The following NEGR1 variants were observed in gnomAD, a reference collection of about 807,000 sequenced individuals.
NEGR1 encodes IgLON family member 4.
Under a neutral mutation model 40.9 loss-of-function variants are expected in NEGR1, and 10 were observed. That is an observed-to-expected ratio of 0.24 (90% CI 0.15 to 0.42). NEGR1 has a LOEUF of 0.42. Among genes scored for constraint, NEGR1 ranks in the 10% least tolerant of loss-of-function variants. The pLI, the probability that NEGR1 is intolerant of heterozygous loss-of-function variation, is 1.00. For synonymous variants in NEGR1, 185 were observed against 166.8 expected (o/e 1.11, Z -0.84); for missense variants, 352 against 438.9 (o/e 0.80, Z 1.77).
chr1:71,529,586 G>A (rs912701629), intron 6 of NEGR1, among the ~76,000 whole-genome samples: 3 of 151,020 alleles, frequency 2.0e-5, no homozygotes, highest in Non-Finnish European at 4.5e-5. Context: ...AATACACTTC[G>A]AAGATGATCT....
chr1:71,990,069 T>C (rs1277701271), intron 1 of NEGR1, among the ~76,000 whole-genome samples: 1 of 152,216 alleles, frequency 6.6e-6, no homozygotes, highest in African/African-American at 2.4e-5. Context: ...CTTTTCTTTC[T>C]GTATAAAATA....
chr1:72,211,232 T>C (rs1040885164), intron 1 of NEGR1, among the ~76,000 whole-genome samples: 4 of 151,742 alleles, frequency 2.6e-5, no homozygotes, highest in Non-Finnish European at 4.4e-5. Context: ...TACCATATCA[T>C]GGTAATACCT....
intron 6 of NEGR1, among the ~76,000 whole-genome samples, chr1:71,561,037 T>C (rs1648440067): frequency 6.6e-6 from 1 of 151,600 alleles, no homozygotes; most frequent in South Asian, 2.1e-4. Context: ...GATTTCATAA[T>C]GTTGCATTAA....
At chr1:72,269,725 T>C (rs544736995) in intron 1 of NEGR1, among the ~76,000 whole-genome samples, 20 of 151,794 alleles carry the variant, frequency 1.3e-4, no homozygotes, top group Middle Eastern at 3.4e-3. Context: ...TTGTAATCAT[T>C]AGGGATGGAA....
At chr1:71,719,549 T>C (rs1417561400) in intron 3 of NEGR1, among the ~76,000 whole-genome samples, 1 of 152,058 alleles carries the variant, frequency 6.6e-6, no homozygotes, top group East Asian at 1.9e-4. Context: ...CTAGCAGTGA[T>C]AGAGAGACCT....
intron 3 of NEGR1, among the ~76,000 whole-genome samples, chr1:71,759,299 T>C (rs562228721): frequency 7.4e-6 from 1 of 135,184 alleles, no homozygotes; most frequent in East Asian, 2.2e-4. Flanking sequence ...TTTTTTTTTT[T>C]TTTTTTTTTT....
intron 1 of NEGR1, among the ~76,000 whole-genome samples, chr1:72,224,627 A>G (rs1030147800): frequency 1.3e-5 from 2 of 152,090 alleles, no homozygotes; most frequent in Non-Finnish European, 2.9e-5. Context: ...ATCTTACCCA[A>G]GGTTACTCAG....
intron 4 of NEGR1, among the ~76,000 whole-genome samples, chr1:71,662,040 A>G (rs1652074682): frequency 6.6e-6 from 1 of 152,256 alleles, no homozygotes; most frequent in Non-Finnish European, 1.5e-5. Flanking sequence ...TGTCTGGCAC[A>G]TAATAAATGG....
intron 2 of NEGR1, among the ~76,000 whole-genome samples, chr1:71,778,817 A>G (rs1423631764): frequency 2.6e-5 from 4 of 152,194 alleles, no homozygotes; most frequent in Non-Finnish European, 5.9e-5. Context: ...GTTTAGTTGG[A>G]TCTTTACACA....
At chr1:72,204,187 C>T (rs1380354814) in intron 1 of NEGR1, among the ~76,000 whole-genome samples, 1 of 151,900 alleles carries the variant, frequency 6.6e-6, no homozygotes, top group South Asian at 2.1e-4. Flanking sequence ...TTGTGATAGC[C>T]TGAATTAAAT....
intron 1 of NEGR1, among the ~76,000 whole-genome samples, chr1:72,193,600 T>A (rs1206998461): frequency 6.6e-6 from 1 of 151,580 alleles, no homozygotes; most frequent in Non-Finnish European, 1.5e-5. Flanking sequence ...AAGATCAAAA[T>A]ATATTTTAAG....
intron 2 of NEGR1, among the ~76,000 whole-genome samples, chr1:71,921,781 T>C (rs1645723249): frequency 6.7e-6 from 1 of 148,326 alleles, no homozygotes; most frequent in South Asian, 2.1e-4. Flanking sequence ...TTTTATAACA[T>C]AAAATATGTG....
At chr1:71,956,047 A>T (rs1172649263) in intron 1 of NEGR1, among the ~76,000 whole-genome samples, 1 of 152,210 alleles carries the variant, frequency 6.6e-6, no homozygotes, top group Non-Finnish European at 1.5e-5. Flanking sequence ...GTATATTTTA[A>T]GTACATAAAT....
At chr1:71,920,852 C>T (rs1645710589) in intron 2 of NEGR1, among the ~76,000 whole-genome samples, 1 of 152,134 alleles carries the variant, frequency 6.6e-6, no homozygotes, top group Admixed American at 6.5e-5. Flanking sequence ...ATAATCACAG[C>T]TCTACAGCCT....
At chr1:71,425,839 G>A (rs1018871360) in intron 6 of NEGR1, among the ~76,000 whole-genome samples, 4 of 152,146 alleles carry the variant, frequency 2.6e-5, no homozygotes, top group Admixed American at 2.6e-4. Flanking sequence ...GCTTAGTCAA[G>A]CTTAATGCTC....
rs1646275835 is a variant in NEGR1, at chr1:71,406,018, C to T, written c.*1428G>A. ...TATAGTAGAAATAATTTAACATTCA[C>T]AATAATTTGATAATTACTTATCTTA... On this transcript the variant is annotated 3_prime_UTR_variant, in exon 7 of 7. Coordinates refer to ENST00000357731, the MANE Select transcript of NEGR1 (RefSeq NM_173808.3). 1 of 152,184 alleles carries T rather than the reference C, an allele frequency of 6.6e-6. No individual in the cohort carries two copies. The highest frequency in any genetic ancestry group is 1.5e-5 in the Non-Finnish European group (1 of 67,836). 9.4% of individuals were successfully genotyped at this position (152,184 alleles called of 1,614,324 possible). A position where few individuals can be genotyped will look rare whatever the true frequency, so the allele number is the denominator to read the frequency against.
intron 6 of NEGR1, among the ~76,000 whole-genome samples, chr1:71,412,500 T>C (rs1402459143): frequency 1.3e-5 from 2 of 152,210 alleles, no homozygotes; most frequent in Admixed American, 1.3e-4. Context: ...GGAACATTCC[T>C]CCTTATATGT....
chr1:71,467,634 A>G lies in NEGR1; in HGVS notation c.941-60064T>C, dbSNP rs186156860. Among the ~76,000 whole-genome samples the G allele has an allele frequency of 1.4e-3, 212 of 152,208 alleles. 1 individual carries two copies. Among genetic ancestry groups the G allele is most frequent in the African/African-American group, 5.0e-3 (209 of 41,564 alleles). ...CTTTCAGAATACTGTAAACAGCAGC[A>G]TAGACATTAGCTGAATCATTAATTT... On this transcript the variant is annotated intron_variant, in intron 6 of 6. Transcript: ENST00000357731.
intron 6 of NEGR1, among the ~76,000 whole-genome samples, chr1:71,532,402 A>G (rs1316858692): frequency 5.3e-5 from 8 of 151,710 alleles, no homozygotes; most frequent in East Asian, 2.0e-4. Flanking sequence ...AAAATCTCCT[A>G]CTATAATATT....
Sources: gnomAD v4.1 joint callset for allele counts (sites outside exome capture counted in the v4.1 genomes callset) on GRCh38, gnomAD v4.1.1 for gene constraint, MANE v1.5 for transcripts, NCBI Gene and HGNC (gene_info 2026-07-23, HGNC 2026-07-21) for gene names.